The following CFAP299 variants were observed in gnomAD, a reference collection of about 807,000 sequenced individuals.
The protein encoded by CFAP299 is cilia- and flagella-associated protein 299.
In CFAP299, 21 loss-of-function variants were observed where a neutral mutation model predicts 27.0. The ratio of observed to expected loss-of-function variants is 0.78; its 90% CI spans 0.55 to 1.12. CFAP299 has a LOEUF of 1.12. Ranked by LOEUF, CFAP299 falls within the 50% of genes most tolerant of loss-of-function variation. The pLI is 0.00. For synonymous variants in CFAP299, 104 were observed against 98.1 expected (o/e 1.06, Z -0.36); for missense variants, 310 against 276.6 (o/e 1.12, Z -0.86).
intron 3 of CFAP299, among the ~76,000 whole-genome samples, chr4:80,841,049 TATA>T (rs1730836842): frequency 6.6e-6 from 1 of 152,156 alleles, no homozygotes; most frequent in Admixed American, 6.6e-5. Context: ...AAGAAAGATG[TATA>T]ATTACATACT....
rs1560417836 is a variant in CFAP299, at chr4:80,799,901, T to TTTA, written c.334-70091_334-70090insTAT. 1.6e-3 allele frequency among the ~76,000 whole-genome samples: 61 copies of TTTA among 38,188 alleles called. 1 individual carries two copies. Among genetic ancestry groups the TTTA allele is most frequent in the African/African-American group, 7.6e-3 (60 of 7,938 alleles). The allele number at this position is 38,188 out of a possible 152,430, so 25.1% of individuals were successfully genotyped here. A position where few individuals can be genotyped will look rare whatever the true frequency, so the allele number is the denominator to read the frequency against. ...TATTATATAATATATAAATTATATA[T>TTTA]TATAATATAATATATAATATATATA... On this transcript the variant is annotated intron_variant, in intron 3 of 5. Coordinates refer to ENST00000358105, the MANE Select transcript of CFAP299 (RefSeq NM_152770.3).
chr4:80,343,461 A>G (rs1233531479), intron 1 of CFAP299, among the ~76,000 whole-genome samples: 3 of 152,196 alleles, frequency 2.0e-5, no homozygotes, highest in African/African-American at 4.8e-5. Flanking sequence ...GAACTGAAAT[A>G]ATAACAGTCT....
chr4:80,799,855 A>G (rs1474911381), intron 3 of CFAP299, among the ~76,000 whole-genome samples: 1 of 33,012 alleles, frequency 3.0e-5, no homozygotes, highest in Non-Finnish European at 4.6e-5. Context: ...TATAATATAT[A>G]AATATATATT....
chr4:80,633,197 C>A (rs1739302581), intron 3 of CFAP299, among the ~76,000 whole-genome samples: 1 of 152,132 alleles, frequency 6.6e-6, no homozygotes, highest in Non-Finnish European at 1.5e-5. Flanking sequence ...GCCTGTAATC[C>A]CAACACTTTG....
chr4:80,958,493 T>C (rs1490824127), intron 5 of CFAP299, among the ~76,000 whole-genome samples: 2 of 152,162 alleles, frequency 1.3e-5, no homozygotes, highest in African/African-American at 4.8e-5. Context: ...TAAGATCACA[T>C]GTCATTTTCA....
At chr4:80,719,295 T>G (rs6845517) in intron 3 of CFAP299, among the ~76,000 whole-genome samples, 59,267 of 151,948 alleles carry the variant, frequency 0.39, 15,481 homozygotes, top group African/African-American at 0.74. Flanking sequence ...TAAAATAATA[T>G]TTAAAATAAA....
At chr4:80,453,700 G>A (rs1023909821) in intron 2 of CFAP299, among the ~76,000 whole-genome samples, 6 of 151,464 alleles carry the variant, frequency 4.0e-5, no homozygotes, top group Non-Finnish European at 7.4e-5. Flanking sequence ...AATTAGCCAG[G>A]CTTCTTGGCG....
intron 2 of CFAP299, among the ~76,000 whole-genome samples, chr4:80,556,877 C>T (rs1368116341): frequency 6.6e-6 from 1 of 151,980 alleles, no homozygotes; most frequent in East Asian, 1.9e-4. Context: ...CCATTTTCTC[C>T]CTGCAGTTCA....
At chr4:80,918,206 G>A (rs992231452) in intron 4 of CFAP299, among the ~76,000 whole-genome samples, 2 of 152,140 alleles carry the variant, frequency 1.3e-5, no homozygotes, top group African/African-American at 2.4e-5. Flanking sequence ...CAATGATTCA[G>A]TGGATTTCAC....
rs184437978 is a variant in CFAP299, at chr4:80,960,009, T to C, written c.607-3508T>C. On this transcript the variant is annotated intron_variant, in intron 5 of 5. Coordinates refer to ENST00000358105, the MANE Select transcript of CFAP299 (RefSeq NM_152770.3). ...GAGGAAACTGTTCTTTGAATTCTTT[T>C]CCTTAAATAATCAGGGATGTAACAA... Among the ~76,000 whole-genome samples the C allele has an allele frequency of 3.6e-3, 549 of 151,980 alleles. 1 individual carries two copies. Among genetic ancestry groups the C allele is most frequent in the Middle Eastern group, 0.014 (4 of 294 alleles).
rs777863706 is a variant in CFAP299 at position 80,386,167 on chromosome 4, C to T, written c.242+23283C>T. On this transcript the variant is annotated intron_variant, in intron 2 of 5. Coordinates refer to ENST00000358105, the MANE Select transcript of CFAP299 (RefSeq NM_152770.3). ...ATCAGGCCTTCCCAGGAAACGAACA[C>T]CCCGGGTCCGTCACTCTGAGGCCTC... The T allele has an allele frequency of 4.4e-6, 3 of 675,556 alleles. No homozygotes were observed. The East Asian group carries it at 8.3e-5, about 19-fold the overall frequency. 41.8% of individuals were successfully genotyped at this position (675,556 alleles called of 1,614,324 possible).
chr4:80,884,585 C>A (rs1473729934), intron 4 of CFAP299, among the ~76,000 whole-genome samples: 1 of 147,012 alleles, frequency 6.8e-6, no homozygotes, highest in Admixed American at 6.8e-5. Context: ...TAACTTTACA[C>A]ATAGCAGAGG....
chr4:80,857,175 G>A (rs1358829415), intron 3 of CFAP299, among the ~76,000 whole-genome samples: 2 of 152,176 alleles, frequency 1.3e-5, no homozygotes, highest in Non-Finnish European at 2.9e-5. Context: ...AATTGTGAAT[G>A]GGAGTTCACT....
At chr4:80,911,686 T>C (rs1356804953) in intron 4 of CFAP299, among the ~76,000 whole-genome samples, 4 of 152,104 alleles carry the variant, frequency 2.6e-5, no homozygotes, top group Non-Finnish European at 5.9e-5. Flanking sequence ...GTACATCACA[T>C]TGACCTCAAA....
At chr4:80,860,323 TC>T (rs1732239542) in intron 3 of CFAP299, among the ~76,000 whole-genome samples, 1 of 152,204 alleles carries the variant, frequency 6.6e-6, no homozygotes, top group South Asian at 2.1e-4. Context: ...TAAATTTTTT[TC>T]AAAGTTTTTA....
intron 2 of CFAP299, among the ~76,000 whole-genome samples, chr4:80,378,336 T>C (rs1724526790): frequency 6.6e-6 from 1 of 152,198 alleles, no homozygotes; most frequent in African/African-American, 2.4e-5. Context: ...TGTGTGGTTT[T>C]GTATGCAGAA....
intron 3 of CFAP299, among the ~76,000 whole-genome samples, chr4:80,853,127 T>C (rs552719100): frequency 1.3e-5 from 2 of 152,272 alleles, no homozygotes; most frequent in Admixed American, 1.3e-4. Context: ...GCCTCCAGGA[T>C]TCAATTAATT....
At chr4:80,855,513 G>C (rs982110360) in intron 3 of CFAP299, among the ~76,000 whole-genome samples, 1 of 151,934 alleles carries the variant, frequency 6.6e-6, no homozygotes, top group South Asian at 2.1e-4. Context: ...CGACTAACTC[G>C]TCATCTAGCA....
At chr4:80,792,277 A>G (rs1727614154) in intron 3 of CFAP299, among the ~76,000 whole-genome samples, 1 of 152,166 alleles carries the variant, frequency 6.6e-6, no homozygotes, top group Non-Finnish European at 1.5e-5. Context: ...TGCAGGGGTC[A>G]GGCAGACTTT....
Sources: allele counts gnomAD v4.1 joint callset (sites outside exome capture counted in the v4.1 genomes callset), GRCh38; gene constraint gnomAD v4.1.1; transcripts MANE v1.5; gene names NCBI Gene and HGNC (gene_info 2026-07-23, HGNC 2026-07-21).